Variants in PCDH15 observed in about 807,000 individuals in gnomAD.
PCDH15 encodes the protein protocadherin-15.
Under a neutral mutation model 178.5 loss-of-function variants are expected in PCDH15, and 129 were observed. The observed-to-expected ratio is 0.72, with a 90% CI of 0.63 to 0.84. PCDH15 has a LOEUF of 0.84. Ranked by LOEUF, PCDH15 falls within the 40% of genes least tolerant of loss-of-function variation. PCDH15 has a pLI of 0.00. For missense variants in PCDH15, 2,230 were observed against 2,099.9 expected, an observed-to-expected ratio of 1.06 and a Z score of -1.21; for synonymous variants, 800 against 732.0, an observed-to-expected ratio of 1.09 and a Z score of -1.50.
At chr10:54,567,184 G>T (rs1264111080) in intron 2 of PCDH15, among the ~76,000 whole-genome samples, 1 of 152,042 alleles carries the variant, frequency 6.6e-6, no homozygotes. Context: ...TGAGTGGTTT[G>T]TTTTCTTATT....
intron 2 of PCDH15, among the ~76,000 whole-genome samples, chr10:55,453,136 G>C (rs1839471959): frequency 6.6e-6 from 1 of 152,148 alleles, no homozygotes; most frequent in Admixed American, 6.6e-5. Flanking sequence ...GGTTAAGCAA[G>C]CTGAGACATT....
In PCDH15 at chr10:54,375,803, AATATATAAATAAAAATATATT is replaced by A. The variant is rs1400043972; in HGVS notation, c.318+2958_318+2978del. 2.0e-3 allele frequency among the ~76,000 whole-genome samples: 235 copies of A among 116,454 alleles called. 1 individual carries two copies. The highest frequency in any genetic ancestry group is 7.5e-3 in the African/African-American group (225 of 29,802). The allele number at this position is 116,454 out of a possible 152,430, so 76.4% of individuals were successfully genotyped here. On this transcript the variant is annotated intron_variant, in intron 4 of 37. Transcript: ENST00000644397. Reference sequence around the variant, plus strand: ...TATTTGAAATGGAATATATATATATAATATATAAATAAAAATATATTTTTGAAATGGAATATATATATATAA... The same window carrying A: ...TATTTGAAATGGAATATATATATATATTTGAAATGGAATATATATATATAA...
chr10:53,912,615 A>G (rs1030025002), intron 25 of PCDH15, among the ~76,000 whole-genome samples: 1 of 152,338 alleles, frequency 6.6e-6, no homozygotes, highest in East Asian at 1.9e-4. Flanking sequence ...TACAAAATCA[A>G]TGTGCAAAAA....
chr10:55,171,405 T>C (rs1175540842), intron 1 of PCDH15, among the ~76,000 whole-genome samples: 1 of 152,200 alleles, frequency 6.6e-6, no homozygotes, highest in Non-Finnish European at 1.5e-5. Context: ...GTTCATGATA[T>C]AGTCCCAAAG....
chr10:54,836,301 A>G (rs919737997), intron 3 of PCDH15, among the ~76,000 whole-genome samples: 24 of 152,174 alleles, frequency 1.6e-4, no homozygotes, highest in African/African-American at 5.5e-4. Context: ...TGACTGGAGT[A>G]AAATAAATGT....
At chr10:53,820,032 ACTTCT>A (rs1201828361) in intron 33 of PCDH15, 128 bp downstream of exon 33, 16 of 391,292 alleles carry the variant, frequency 4.1e-5, no homozygotes, top group Middle Eastern at 6.4e-4. Flanking sequence ...TGTTTTTTGG[ACTTCT>A]CTTATTTCTT....
In PCDH15 at chr10:55,282,379, A is replaced by G. The variant is rs572852115; in HGVS notation, c.-156+37220T>C. On this transcript the variant is annotated intron_variant, in intron 1 of 5. Transcript: ENST00000458638. ...TTCAAATATCATTCCTTGATTTAAG[A>G]CTTCTTCAGTTGCTCTACTCATGAC... Among the ~76,000 whole-genome samples the G allele has an allele frequency of 1.3e-3, 192 of 152,278 alleles. 1 individual carries two copies. Among genetic ancestry groups the G allele is most frequent in the African/African-American group, 4.5e-3 (187 of 41,554 alleles).
intron 1 of PCDH15, among the ~76,000 whole-genome samples, chr10:54,797,812 A>G (rs532785867): frequency 2.0e-5 from 3 of 151,586 alleles, no homozygotes; most frequent in Non-Finnish European, 4.4e-5. Context: ...GCAGGGGGGG[A>G]GCGGGGTGTG....
At chr10:55,617,019 A>G (rs940414021) in intron 2 of PCDH15, among the ~76,000 whole-genome samples, 4 of 152,114 alleles carry the variant, frequency 2.6e-5, no homozygotes, top group Non-Finnish European at 4.4e-5. Flanking sequence ...AATACATTAA[A>G]ATGGTAGCTA....
chr10:53,892,958 A>G, intron 26 of PCDH15, among the ~76,000 whole-genome samples: 1 of 152,318 alleles, frequency 6.6e-6, no homozygotes, highest in Non-Finnish European at 1.5e-5. Flanking sequence ...TATATGATAT[A>G]ATCTAAAAAT....
chr10:53,888,332 G>GTA (rs1564691332), intron 26 of PCDH15, among the ~76,000 whole-genome samples: 1 of 42,262 alleles, frequency 2.4e-5, no homozygotes, highest in Non-Finnish European at 5.1e-5. Flanking sequence ...GTATATATAT[G>GTA]TACGTATATA....
intron 1 of PCDH15, among the ~76,000 whole-genome samples, chr10:54,715,489 G>A (rs1489829182): frequency 6.6e-6 from 1 of 152,134 alleles, no homozygotes; most frequent in Non-Finnish European, 1.5e-5. Flanking sequence ...AGGAAAGTGG[G>A]AATTCACCAG....
At chr10:54,198,128 A>G (rs1239899178) in intron 10 of PCDH15, among the ~76,000 whole-genome samples, 1 of 152,044 alleles carries the variant, frequency 6.6e-6, no homozygotes, top group Non-Finnish European at 1.5e-5. Context: ...TATCCATCTC[A>G]CATAACCAGG....
intron 9 of PCDH15, among the ~76,000 whole-genome samples, chr10:54,219,592 CAAAAAAAAAAAAAAAAAAAAA>C (rs763785938): frequency 9.3e-5 from 3 of 32,394 alleles, no homozygotes; most frequent in Non-Finnish European, 2.0e-4. Flanking sequence ...GACTCCATCT[CAAAAAAAAAAAAAAAAAAAAA>C]AAAGAGACTT....
At chr10:54,411,496 T>A (rs527913980) in intron 3 of PCDH15, among the ~76,000 whole-genome samples, 1 of 152,280 alleles carries the variant, frequency 6.6e-6, no homozygotes, top group East Asian at 1.9e-4. Context: ...AGCAATGTGA[T>A]CCTGAGAAGA....
At chr10:55,403,151 A>G (rs1173756487) in intron 2 of PCDH15, among the ~76,000 whole-genome samples, 1 of 151,992 alleles carries the variant, frequency 6.6e-6, no homozygotes, top group African/African-American at 2.4e-5. Flanking sequence ...CTTCTTTTGA[A>G]GAATACCTAT....
chr10:55,426,725 G>C (rs2132052081), intron 2 of PCDH15, among the ~76,000 whole-genome samples: 1 of 152,282 alleles, frequency 6.6e-6, no homozygotes, highest in South Asian at 2.1e-4. Flanking sequence ...TCTCATGAAT[G>C]AATTGAAGGA....
chr10:54,303,554 TC>T (rs2060276764), intron 8 of PCDH15, among the ~76,000 whole-genome samples: 1 of 152,070 alleles, frequency 6.6e-6, no homozygotes. Context: ...GAAAGTCATA[TC>T]ATGCATGTAT....
intron 20 of PCDH15, among the ~76,000 whole-genome samples, chr10:54,003,389 A>G (rs1377965938): frequency 2.0e-5 from 3 of 152,142 alleles, no homozygotes; most frequent in Non-Finnish European, 4.4e-5. Context: ...AGAAGAGAGA[A>G]GACCCAAATA....
Sources: allele counts gnomAD v4.1 joint callset (sites outside exome capture counted in the v4.1 genomes callset), GRCh38; gene constraint gnomAD v4.1.1; transcripts MANE v1.5; gene names NCBI Gene and HGNC (gene_info 2026-07-23, HGNC 2026-07-21).